Variants in TMEM170B observed in about 807,000 individuals in gnomAD.
The protein encoded by TMEM170B is transmembrane protein 170B.
TMEM170B carries 6 observed loss-of-function variants against 13.0 expected under a neutral mutation model. The observed-to-expected ratio is 0.46, with a 90% CI of 0.25 to 0.91. TMEM170B has a LOEUF of 0.91. Among genes scored for constraint, TMEM170B ranks in the 40% least tolerant of loss-of-function variants. The pLI is 0.17. For missense variants in TMEM170B, 138 were observed against 165.2 expected (o/e 0.84, Z 0.90); for synonymous variants, 61 against 64.9 (o/e 0.94, Z 0.29).
chr6:11,553,144 T>C (rs1417626573), intron 1 of TMEM170B, among the ~76,000 whole-genome samples: 2 of 152,076 alleles, frequency 1.3e-5, no homozygotes, highest in Non-Finnish European at 2.9e-5. Flanking sequence ...TATACCAAAA[T>C]CCTGCAGTGG....
chr6:11,555,843 T>C (rs760097155), intron 1 of TMEM170B, among the ~76,000 whole-genome samples: 5 of 152,248 alleles, frequency 3.3e-5, no homozygotes, highest in Admixed American at 6.5e-5. Flanking sequence ...AATTTTTTGA[T>C]TGAAAAAGTC....
chr6:11,557,410 T>C (rs1315535485), intron 1 of TMEM170B, among the ~76,000 whole-genome samples: 3 of 152,212 alleles, frequency 2.0e-5, no homozygotes, highest in Non-Finnish European at 4.4e-5. Flanking sequence ...CTGGGCTTAA[T>C]ACCTAGGTGA....
intron 1 of TMEM170B, among the ~76,000 whole-genome samples, chr6:11,552,473 A>T (rs1037796121): frequency 1.3e-5 from 2 of 152,242 alleles, no homozygotes; most frequent in African/African-American, 4.8e-5. Flanking sequence ...GCTAAATAGT[A>T]GAAAGGATAG....
At chr6:11,556,227 C>T (rs374411051) in intron 1 of TMEM170B, among the ~76,000 whole-genome samples, 1 of 152,152 alleles carries the variant, frequency 6.6e-6, no homozygotes, top group African/African-American at 2.4e-5. Flanking sequence ...CTGTTGCTTC[C>T]GTTAGACCAA....
intron 1 of TMEM170B, among the ~76,000 whole-genome samples, chr6:11,541,730 TTCCTCATTAAGCTTTATCA>T (rs1195114240): frequency 6.6e-6 from 1 of 152,252 alleles, no homozygotes; most frequent in African/African-American, 2.4e-5. Flanking sequence ...TGAACGTGCC[TTCCTCATTAAGCTTTATCA>T]TCTCTAGCAC....
chr6:11,558,205 G>A, intron 1 of TMEM170B, among the ~76,000 whole-genome samples: 1 of 151,914 alleles, frequency 6.6e-6, no homozygotes, highest in South Asian at 2.1e-4. Flanking sequence ...AGTTTTTATT[G>A]GGTCCCCATA....
chr6:11,574,744 A>C (rs1049266233), intron 2 of TMEM170B, among the ~76,000 whole-genome samples: 11 of 152,144 alleles, frequency 7.2e-5, no homozygotes, highest in African/African-American at 2.7e-4. Context: ...GGTTCCTCAT[A>C]CACTGAGATT....
rs77009896 is a variant in TMEM170B at position 11,580,743 on chromosome 6, A to T, written c.*5182A>T. 1 of 152,208 alleles carries T rather than the reference A, an allele frequency of 6.6e-6. No homozygotes were observed. Among genetic ancestry groups the T allele is most frequent in the African/African-American group, 2.4e-5 (1 of 41,450 alleles). 9.4% of individuals were successfully genotyped at this position (152,208 alleles called of 1,614,324 possible). A position where few individuals can be genotyped will look rare whatever the true frequency, so the allele number is the denominator to read the frequency against. On this transcript the variant is annotated 3_prime_UTR_variant, in exon 3 of 3. Coordinates refer to ENST00000379426, the MANE Select transcript of TMEM170B (RefSeq NM_001100829.3). ...TGATTAAAAATTATAGCATTTGGAG[A>T]GGTAACACACAAAAACAAAAACATA...
chr6:11,545,280 C>CTGTGTGTGTGTGTG (rs1210551633), intron 1 of TMEM170B, among the ~76,000 whole-genome samples: 5,014 of 139,690 alleles, frequency 0.036, 122 homozygotes, highest in South Asian at 0.076. Context: ...CTCTCTCTCT[C>CTGTGTGTGTGTGTG]TGTGTGTGTG....
At chr6:11,557,570 T>A (rs1759607732) in intron 1 of TMEM170B, among the ~76,000 whole-genome samples, 1 of 152,250 alleles carries the variant, frequency 6.6e-6, no homozygotes, top group South Asian at 2.1e-4. Flanking sequence ...TGGTCAGTAA[T>A]GTAATTGTGC....
At chr6:11,563,610 G>C (rs1040224647) in intron 1 of TMEM170B, among the ~76,000 whole-genome samples, 1 of 152,142 alleles carries the variant, frequency 6.6e-6, no homozygotes, top group African/African-American at 2.4e-5. Flanking sequence ...TCATTTGCTA[G>C]AACAGCTCAT....
intron 1 of TMEM170B, among the ~76,000 whole-genome samples, chr6:11,545,311 T>TGTGTGTGTGTGTGTGTGTGTGTGTG (rs71550774): frequency 6.6e-6 from 1 of 151,210 alleles, no homozygotes; most frequent in Non-Finnish European, 1.5e-5. Context: ...TGTGTGTGTG[T>TGTGTGTGTGTGTGTGTGTGTGTGTG]AGTACTAGTA....
At position 11,537,995 on chromosome 6, in the gene TMEM170B, G is replaced by A. The variant is rs1280295014; in HGVS notation, c.-283G>A. Among the ~76,000 whole-genome samples, 4 of 151,060 alleles carry A rather than the reference G, an allele frequency of 2.6e-5. No homozygotes were observed. Among genetic ancestry groups the A allele is most frequent in the East Asian group, 2.0e-4 (1 of 5,106 alleles). On this transcript the variant is annotated 5_prime_UTR_variant, in exon 1 of 3. Transcript: ENST00000379426. ...CCTCCTCCGCCCCGAGTCCTCGCTC[G>A]GGGGCCGCGCGAGGACGGCGCCCGG...
chr6:11,575,737 A>C lies in TMEM170B; in HGVS notation c.*176A>C, dbSNP rs1263147590. On this transcript the variant is annotated 3_prime_UTR_variant, in exon 3 of 3. Coordinates refer to ENST00000379426, the MANE Select transcript of TMEM170B (RefSeq NM_001100829.3). The surrounding 1 kb of genome is among the most constrained non-coding windows in gnomAD (Gnocchi z 4.1). ...TGCCCTCTGGTGTTCAAGTGATTGC[A>C]CTACCGCACTGCACCTTATGTGCCT... 4 of 649,538 alleles carry C rather than the reference A, an allele frequency of 6.2e-6. No homozygotes were observed. The African/African-American group carries it at 7.3e-5, about 12-fold the overall frequency. The allele number at this position is 649,538 out of a possible 1,614,324, so 40.2% of individuals were successfully genotyped here. A position where few individuals can be genotyped will look rare whatever the true frequency, so the allele number is the denominator to read the frequency against.
intron 1 of TMEM170B, among the ~76,000 whole-genome samples, chr6:11,554,760 T>C (rs979972398): frequency 2.0e-5 from 3 of 152,104 alleles, no homozygotes; most frequent in African/African-American, 7.2e-5. Flanking sequence ...TTAAAGCAGC[T>C]CTTGAAGGTG....
intron 1 of TMEM170B, among the ~76,000 whole-genome samples, chr6:11,556,724 G>C (rs1212817808): frequency 6.6e-6 from 1 of 152,056 alleles, no homozygotes; most frequent in Admixed American, 6.5e-5. Flanking sequence ...ATGGTTTTCT[G>C]CTTCTCTCCC....
rs1430033655 is a variant in TMEM170B at position 11,579,089 on chromosome 6, AG to A, written c.*3529del. The A allele has an allele frequency of 4.6e-5, 7 of 152,204 alleles. No homozygotes were observed. The highest frequency in any genetic ancestry group is 1.7e-4 in the African/African-American group (7 of 41,456). The allele number at this position is 152,204 out of a possible 1,614,324, so 9.4% of individuals were successfully genotyped here. A position where few individuals can be genotyped will look rare whatever the true frequency, so the allele number is the denominator to read the frequency against. On this transcript the variant is annotated 3_prime_UTR_variant, in exon 3 of 3. Transcript: ENST00000379426. The stretch of plus-strand genomic sequence containing the variant: ...GCAAGATGATTTTTAAATCCTAAAA[AG>A]TTTGGGACAACATTTTGCTTCCTGA...
chr6:11,568,357 T>C (rs913195029), intron 2 of TMEM170B, among the ~76,000 whole-genome samples: 2 of 152,182 alleles, frequency 1.3e-5, no homozygotes, highest in Non-Finnish European at 2.9e-5. Context: ...ATGGCCACTG[T>C]TGTAATTGTG....
At chr6:11,552,777 A>C (rs1759541858) in intron 1 of TMEM170B, among the ~76,000 whole-genome samples, 1 of 152,214 alleles carries the variant, frequency 6.6e-6, no homozygotes, top group African/African-American at 2.4e-5. Context: ...CTGTGTCAGA[A>C]GGTGAACTAT....
Sources: gnomAD v4.1 joint callset for allele counts (sites outside exome capture counted in the v4.1 genomes callset) on GRCh38, gnomAD v4.1.1 for gene constraint, Gnocchi (gnomAD v3.1) non-coding constraint, MANE v1.5 for transcripts, NCBI Gene and HGNC (gene_info 2026-07-23, HGNC 2026-07-21) for gene names.